Variants in TLE1 observed in about 807,000 individuals in gnomAD.
The protein encoded by TLE1 is transducin-like enhancer protein 1.
TLE1 carries 21 observed loss-of-function variants against 89.8 expected under a neutral mutation model. The ratio of observed to expected loss-of-function variants is 0.23; its 90% CI spans 0.17 to 0.34. The LOEUF (loss-of-function observed/expected upper bound fraction) is 0.34. TLE1 is among the 10% of genes least tolerant of loss of function. TLE1 has a pLI of 1.00. For synonymous variants in TLE1, 447 were observed against 407.6 expected (o/e 1.10, Z -1.16); for missense variants, 795 against 1,031.2 (o/e 0.77, Z 3.14).
intron 4 of TLE1, among the ~76,000 whole-genome samples, chr9:81,664,223 T>G (rs917241138): frequency 1.3e-5 from 2 of 150,390 alleles, no homozygotes; most frequent in African/African-American, 2.5e-5. Context: ...GAGACCAGCC[T>G]GGGCAACACA....
intron 14 of TLE1, among the ~76,000 whole-genome samples, chr9:81,602,250 G>A (rs1831032733): frequency 6.6e-6 from 1 of 152,154 alleles, no homozygotes; most frequent in Admixed American, 6.5e-5. Context: ...ACAGGACATG[G>A]CACCGGAAAA....
chr9:81,644,058 C>T (rs560364501), intron 6 of TLE1, among the ~76,000 whole-genome samples: 1 of 152,084 alleles, frequency 6.6e-6, no homozygotes, highest in Non-Finnish European at 1.5e-5. Context: ...GGCCTCACAC[C>T]CATTAGGATG....
intron 13 of TLE1, among the ~76,000 whole-genome samples, chr9:81,611,160 T>C (rs1421363827): frequency 1.3e-5 from 2 of 152,162 alleles, no homozygotes; most frequent in Non-Finnish European, 2.9e-5. Context: ...TGCAGTTTTG[T>C]TTCTTCTTGT....
chr9:81,604,115 G>A (rs941416407), intron 14 of TLE1, among the ~76,000 whole-genome samples: 4 of 152,118 alleles, frequency 2.6e-5, no homozygotes, highest in African/African-American at 9.7e-5. Flanking sequence ...TTCTTAATAA[G>A]ACTTGCATGC....
At chr9:81,615,074 T>G (rs1458272691) in intron 11 of TLE1, among the ~76,000 whole-genome samples, 1 of 78,276 alleles carries the variant, frequency 1.3e-5, no homozygotes, top group Non-Finnish European at 2.3e-5. Context: ...AGAGTGAGAC[T>G]CCATCTCAAA....
chr9:81,622,634 G>A (rs777496337), intron 8 of TLE1, among the ~76,000 whole-genome samples: 5 of 152,212 alleles, frequency 3.3e-5, no homozygotes, highest in Non-Finnish European at 7.3e-5. Context: ...CCGCTTGAGC[G>A]GCTTAAATGA....
chr9:81,630,360 A>G (rs1355394333), intron 8 of TLE1, among the ~76,000 whole-genome samples: 6 of 152,222 alleles, frequency 3.9e-5, no homozygotes, highest in Non-Finnish European at 8.8e-5. Context: ...ATTTGTAGAC[A>G]TACATAACAA....
chr9:81,643,542 T>G (rs1056737000), intron 6 of TLE1, among the ~76,000 whole-genome samples: 1 of 151,826 alleles, frequency 6.6e-6, no homozygotes, highest in African/African-American at 2.4e-5. Context: ...AGCCCTTTGT[T>G]TTGTTTTCTT....
chr9:81,652,400 T>A, intron 5 of TLE1, 112 bp from the exon 6 acceptor site: 1 of 771,360 alleles, frequency 1.3e-6, no homozygotes, highest in Non-Finnish European at 2.1e-6. Flanking sequence ...TAGAAGGGTT[T>A]AAATGCAGAA....
At chr9:81,674,612 C>G (rs1288065624) in intron 4 of TLE1, among the ~76,000 whole-genome samples, 1 of 152,138 alleles carries the variant, frequency 6.6e-6, no homozygotes. Flanking sequence ...TTTCCCCCAG[C>G]AAATATACTG....
intron 7 of TLE1, 38 bp from the exon 8 acceptor site, chr9:81,633,402 C>T (rs369268527): frequency 6.2e-6 from 10 of 1,613,034 alleles, no homozygotes; most frequent in East Asian, 4.5e-5. Flanking sequence ...CAGACATGCC[C>T]GTTCAGACAC....
At chr9:81,627,977 G>A (rs1826106976) in intron 8 of TLE1, among the ~76,000 whole-genome samples, 1 of 152,124 alleles carries the variant, frequency 6.6e-6, no homozygotes, top group Non-Finnish European at 1.5e-5. Flanking sequence ...TCAGCACTTT[G>A]GGAGACCAAG....
intron 6 of TLE1, among the ~76,000 whole-genome samples, chr9:81,644,076 TAA>T (rs1432392754): frequency 1.3e-5 from 2 of 152,050 alleles, no homozygotes; most frequent in Non-Finnish European, 2.9e-5. Flanking sequence ...ATGCGGAGAA[TAA>T]AAAAGATGGA....
chr9:81,688,570 G>T lies in TLE1; in HGVS notation c.-330C>A, dbSNP rs1198784498. On this transcript the variant is annotated 5_prime_UTR_variant, in exon 1 of 20. Transcript: ENST00000376499. Reference sequence around the variant, plus strand: ...AACCCCCGGCCTCAGCTGCCCGGGCGGGGAGGCGGGGGCGCGGTGACTCCG... The same window carrying T: ...AACCCCCGGCCTCAGCTGCCCGGGCTGGGAGGCGGGGGCGCGGTGACTCCG... 3.5e-6 allele frequency: 1 copy of T among 288,974 alleles called. No homozygotes were observed. The highest frequency in any genetic ancestry group is 5.3e-5 in the Admixed American group (1 of 18,900). 17.9% of individuals were successfully genotyped at this position (288,974 alleles called of 1,614,324 possible).
At chr9:81,600,039 C>T in intron 14 of TLE1, 1 of 693,780 alleles carries the variant, frequency 1.4e-6, no homozygotes, top group African/African-American at 1.8e-5. Flanking sequence ...ATTTAAGATT[C>T]TGAGTTCTAG....
intron 6 of TLE1, among the ~76,000 whole-genome samples, chr9:81,647,512 C>G (rs1829002757): frequency 6.6e-6 from 1 of 152,196 alleles, no homozygotes; most frequent in East Asian, 1.9e-4. Context: ...ACACCCACAT[C>G]CCTGTAACCA....
At chr9:81,666,245 G>A (rs1455083789) in intron 4 of TLE1, among the ~76,000 whole-genome samples, 4 of 152,090 alleles carry the variant, frequency 2.6e-5, no homozygotes, top group African/African-American at 9.7e-5. Flanking sequence ...TCCGCAGAGT[G>A]AATCACAGAT....
intron 16 of TLE1, 80 bp from the exon 17 acceptor site, chr9:81,587,908 G>GTGTGTGTGTGTGTGTGTGTCATCCCACC: frequency 2.0e-5 from 12 of 601,570 alleles, no homozygotes; most frequent in Admixed American, 5.2e-5. Context: ...GTTTTGGACC[G>GTGTGTGTGTGTGTGTGTGTCATCCCACC]TGTGTGTGTG....
At chr9:81,668,903 A>G (rs1831849275) in intron 4 of TLE1, among the ~76,000 whole-genome samples, 1 of 152,228 alleles carries the variant, frequency 6.6e-6, no homozygotes, top group South Asian at 2.1e-4. Context: ...AAGTTATTTT[A>G]CAAGTGGACA....
Sources: allele counts gnomAD v4.1 joint callset (sites outside exome capture counted in the v4.1 genomes callset), GRCh38; gene constraint gnomAD v4.1.1; transcripts MANE v1.5; gene names NCBI Gene and HGNC (gene_info 2026-07-23, HGNC 2026-07-21).